The following PRELID2 variants were observed in gnomAD, a reference collection of about 807,000 sequenced individuals.
PRELID2 encodes PRELI domain containing 2.
Under a neutral mutation model 28.4 loss-of-function variants are expected in PRELID2, and 25 were observed. That is an observed-to-expected ratio of 0.88 (90% confidence interval 0.64 to 1.23). The LOEUF (loss-of-function observed/expected upper bound fraction) is 1.23. PRELID2 is among the 50% of genes most tolerant of loss of function. The pLI is 0.00. For missense variants in PRELID2, 201 were observed against 214.4 expected (o/e 0.94, Z 0.39); for synonymous variants, 76 against 71.6 (o/e 1.06, Z -0.31).
intron 1 of PRELID2, among the ~76,000 whole-genome samples, chr5:145,522,865 A>C (rs146606824): frequency 9.9e-5 from 15 of 152,156 alleles, no homozygotes; most frequent in Admixed American, 3.3e-4. Context: ...AAGAAGGAGA[A>C]GAAAAACAAG....
downstream of PRELID2, among the ~76,000 whole-genome samples, chr5:145,751,408 C>T (rs553659990): frequency 1.3e-5 from 2 of 152,190 alleles, no homozygotes; most frequent in South Asian, 4.1e-4. Flanking sequence ...CAGAACAGGG[C>T]TCTGGAGCAT....
At chr5:145,592,226 C>A (rs552390166) in intron 1 of PRELID2, among the ~76,000 whole-genome samples, 12 of 152,134 alleles carry the variant, frequency 7.9e-5, no homozygotes, top group African/African-American at 1.9e-4. Context: ...ACCAGCCTGG[C>A]CAATATGGCG....
At chr5:145,802,627 T>C (rs142528306) in intron 4 of PRELID2, among the ~76,000 whole-genome samples, 84 of 152,278 alleles carry the variant, frequency 5.5e-4, no homozygotes, top group Non-Finnish European at 4.4e-4. Context: ...CTTCACCTGA[T>C]TGTGGGATGA....
chr5:145,751,898 C>T (rs1234733243), downstream of PRELID2, among the ~76,000 whole-genome samples: 1 of 152,140 alleles, frequency 6.6e-6, no homozygotes, highest in Non-Finnish European at 1.5e-5. Context: ...AGGAAAATTG[C>T]TTGAACCCAG....
chr5:145,659,624 T>C (rs1442400841), intron 1 of PRELID2, among the ~76,000 whole-genome samples: 1 of 152,202 alleles, frequency 6.6e-6, no homozygotes, highest in Non-Finnish European at 1.5e-5. Flanking sequence ...CTGGCATGCC[T>C]TCCCTGTTTC....
chr5:145,229,796 T>C, the PRELID2 span: 27,346 of 757,762 alleles, frequency 0.036, 1,293 homozygotes, highest in African/African-American at 0.15. Flanking sequence ...GTTTCTGACA[T>C]AGCCCTGAGT....
intron 1 of PRELID2, among the ~76,000 whole-genome samples, chr5:145,534,272 T>C (rs1376669544): frequency 6.6e-6 from 1 of 152,028 alleles, no homozygotes; most frequent in Non-Finnish European, 1.5e-5. Context: ...ACAAGTATCT[T>C]TTCTTCAACA....
chr5:145,478,337 G>A (rs577079966), intron 1 of PRELID2, among the ~76,000 whole-genome samples: 23 of 152,216 alleles, frequency 1.5e-4, no homozygotes, highest in African/African-American at 4.8e-4. Context: ...CATGAGGCCA[G>A]GAGTTCAATA....
chr5:145,372,644 T>C, the PRELID2 span, among the ~76,000 whole-genome samples: 1 of 151,712 alleles, frequency 6.6e-6, no homozygotes, highest in Non-Finnish European at 1.5e-5. Flanking sequence ...TTAAAGTCTG[T>C]TTTGTCAGAC....
chr5:145,803,892 C>A (rs1019046189), intron 4 of PRELID2, among the ~76,000 whole-genome samples: 48 of 152,120 alleles, frequency 3.2e-4, no homozygotes, highest in African/African-American at 1.0e-3. Context: ...CCCTTCCCCA[C>A]CCCAGTTTTA....
chr5:145,410,439 T>C, the PRELID2 span, among the ~76,000 whole-genome samples: 1 of 152,182 alleles, frequency 6.6e-6, no homozygotes, highest in Non-Finnish European at 1.5e-5. Context: ...CATGCTGTTA[T>C]GGAGAAATAC....
intron 1 of PRELID2, among the ~76,000 whole-genome samples, chr5:145,552,516 C>T (rs1752844334): frequency 6.6e-6 from 1 of 152,064 alleles, no homozygotes; most frequent in African/African-American, 2.4e-5. Context: ...CCCCGCCTCA[C>T]CTTCCACCCC....
chr5:145,560,240 T>C (rs1300738288), intron 1 of PRELID2, among the ~76,000 whole-genome samples: 1 of 152,214 alleles, frequency 6.6e-6, no homozygotes, highest in African/African-American at 2.4e-5. Context: ...CATTGTAAGT[T>C]GAGGACTGTC....
chr5:145,786,076 A>C (rs1159754413), intron 5 of PRELID2, among the ~76,000 whole-genome samples: 3 of 152,210 alleles, frequency 2.0e-5, no homozygotes, highest in African/African-American at 7.2e-5. Flanking sequence ...GTCACAATAT[A>C]TGTGTCACAG....
At chr5:145,266,542 G>A in the PRELID2 span, among the ~76,000 whole-genome samples, 1,697 of 152,118 alleles carry the variant, frequency 0.011, 31 homozygotes, top group African/African-American at 0.037. Context: ...AAAAATAATA[G>A]ATGTTGGTGG....
chr5:145,565,788 T>C (rs886993659), intron 1 of PRELID2, among the ~76,000 whole-genome samples: 1 of 152,224 alleles, frequency 6.6e-6, no homozygotes, highest in South Asian at 2.1e-4. Flanking sequence ...GGTGGCGAGA[T>C]GGACAGCCAT....
At chr5:145,367,000 A>G in the PRELID2 span, among the ~76,000 whole-genome samples, 1 of 151,346 alleles carries the variant, frequency 6.6e-6, no homozygotes, top group African/African-American at 2.4e-5. Flanking sequence ...AAGGCCATAC[A>G]TAATCAGGTT....
chr5:145,270,278 C>T, the PRELID2 span, among the ~76,000 whole-genome samples: 1 of 152,178 alleles, frequency 6.6e-6, no homozygotes, highest in South Asian at 2.1e-4. Flanking sequence ...CCCTAAAATA[C>T]ACTTACAAAA....
chr5:145,426,281 A>G, the PRELID2 span, among the ~76,000 whole-genome samples: 2 of 152,210 alleles, frequency 1.3e-5, no homozygotes, highest in Non-Finnish European at 2.9e-5. Context: ...CAATATAGAA[A>G]TAACTGACAT....
Sources: allele counts gnomAD v4.1 joint callset (sites outside exome capture counted in the v4.1 genomes callset), GRCh38; gene constraint gnomAD v4.1.1; transcripts MANE v1.5; gene names NCBI Gene and HGNC (gene_info 2026-07-23, HGNC 2026-07-21).